SLC35F1: variants seen among roughly 807,000 people sequenced by gnomAD.
SLC35F1 encodes solute carrier family 35 member F1, also known as chromosome 6 open reading frame 169.
SLC35F1 carries 14 observed loss-of-function variants against 48.7 expected under a neutral mutation model. The ratio of observed to expected loss-of-function variants is 0.29; its 90% confidence interval spans 0.19 to 0.45. The LOEUF (loss-of-function observed/expected upper bound fraction) is 0.45, where lower values mean the gene tolerates loss of function less well. Among genes scored for constraint, SLC35F1 ranks in the 20% least tolerant of loss-of-function variants. The pLI, the probability that SLC35F1 is intolerant of heterozygous loss-of-function variation, is 1.00. For missense variants in SLC35F1, 404 were observed against 500.0 expected (o/e 0.81, Z 1.83); for synonymous variants, 190 against 202.2 (o/e 0.94, Z 0.51).
chr6:117,919,378 G>T (rs1007768905), intron 1 of SLC35F1, among the ~76,000 whole-genome samples: 9 of 152,150 alleles, frequency 5.9e-5, no homozygotes, highest in Non-Finnish European at 1.0e-4. Flanking sequence ...TTGGATGTTT[G>T]GGAATTTTAC....
Position 118,092,054 on chromosome 6 carries a change from G to A in SLC35F1, c.174-62391G>A, listed in dbSNP as rs144693087. On this transcript the variant is annotated intron_variant, in intron 1 of 7. Transcript: ENST00000360388. ...AAAGTTTGGAAATTTGCAGCCTGACGATGCAGTAGAAAAGAAAAAACCGTT... is the reference window on the plus strand; with the variant it reads ...AAAGTTTGGAAATTTGCAGCCTGACAATGCAGTAGAAAAGAAAAAACCGTT... 6.7e-3 allele frequency among the ~76,000 whole-genome samples: 1,023 copies of A among 152,264 alleles called. 8 individuals are homozygous for A. The highest frequency in any genetic ancestry group is 0.014 in the Middle Eastern group (4 of 294).
chr6:118,045,156 A>G (rs1183239973), intron 1 of SLC35F1, among the ~76,000 whole-genome samples: 1 of 152,178 alleles, frequency 6.6e-6, no homozygotes, highest in Non-Finnish European at 1.5e-5. Flanking sequence ...GTATTCTTAA[A>G]TAATTGACTT....
chr6:118,071,513 T>C (rs1201156828), intron 1 of SLC35F1, among the ~76,000 whole-genome samples: 1 of 152,084 alleles, frequency 6.6e-6, no homozygotes, highest in Non-Finnish European at 1.5e-5. Context: ...CTCTAGGACT[T>C]TCCTTCACCA....
chr6:118,275,755 A>G (rs1269066648), intron 5 of SLC35F1, 140 bp downstream of exon 5: 10 of 614,626 alleles, frequency 1.6e-5, no homozygotes, highest in Non-Finnish European at 2.7e-5. Context: ...TAATCTGCCA[A>G]CTCAATATCT....
At chr6:118,231,984 G>A (rs1241917487) in intron 2 of SLC35F1, among the ~76,000 whole-genome samples, 3 of 152,168 alleles carry the variant, frequency 2.0e-5, no homozygotes, top group Non-Finnish European at 4.4e-5. Flanking sequence ...ATTCTAACTA[G>A]AAAACAATTC....
At chr6:118,058,895 A>G (rs977510155) in intron 1 of SLC35F1, among the ~76,000 whole-genome samples, 1 of 152,236 alleles carries the variant, frequency 6.6e-6, no homozygotes, top group Non-Finnish European at 1.5e-5. Context: ...TTTTCAAGAT[A>G]TAACAAAACA....
At chr6:118,029,355 A>C (rs375425979) in intron 1 of SLC35F1, among the ~76,000 whole-genome samples, 2 of 152,288 alleles carry the variant, frequency 1.3e-5, no homozygotes. Context: ...AGTACAGTAC[A>C]ATAAGATATT....
intron 7 of SLC35F1, among the ~76,000 whole-genome samples, chr6:118,292,716 G>GA (rs1776139863): frequency 6.6e-6 from 1 of 150,758 alleles, no homozygotes; most frequent in Non-Finnish European, 1.5e-5. Flanking sequence ...TCCACTCTTG[G>GA]AAAAAATCCA....
intron 1 of SLC35F1, among the ~76,000 whole-genome samples, chr6:118,001,899 A>T (rs1777103264): frequency 6.6e-6 from 1 of 151,256 alleles, no homozygotes; most frequent in Non-Finnish European, 1.5e-5. Flanking sequence ...AACCACAATG[A>T]GATACCATCT....
chr6:118,239,714 C>T (rs1332662462), intron 3 of SLC35F1, among the ~76,000 whole-genome samples: 4 of 152,064 alleles, frequency 2.6e-5, no homozygotes, highest in African/African-American at 4.8e-5. Context: ...ATTTGACACC[C>T]TATTTAATGC....
intron 5 of SLC35F1, 26 bp from the exon 6 acceptor site, chr6:118,277,468 C>T: frequency 6.2e-7 from 1 of 1,608,682 alleles, no homozygotes; most frequent in Non-Finnish European, 8.5e-7. Context: ...TCTTGCTCAT[C>T]AGGTTCATTT....
At chr6:117,934,012 A>G (rs957405828) in intron 1 of SLC35F1, among the ~76,000 whole-genome samples, 1 of 152,100 alleles carries the variant, frequency 6.6e-6, no homozygotes, top group African/African-American at 2.4e-5. Context: ...GCTGTTGATC[A>G]TGGGTTTGCT....
In SLC35F1 at chr6:118,315,979, T is replaced by C. The variant is rs1776432578; in HGVS notation, c.*1727T>C. The C allele has an allele frequency of 6.6e-6, 1 of 152,316 alleles. No individual in the cohort carries two copies. Among genetic ancestry groups the C allele is most frequent in the East Asian group, 1.9e-4 (1 of 5,176 alleles). 9.4% of individuals were successfully genotyped at this position (152,316 alleles called of 1,614,324 possible). ...ATCCTCAATGGAGTTACAGGGTTTA[T>C]AGGGGAAAAATACATGTTTATGAGA... On this transcript the variant is annotated 3_prime_UTR_variant, in exon 8 of 8. Coordinates refer to ENST00000360388, the MANE Select transcript of SLC35F1 (RefSeq NM_001029858.4).
At chr6:117,974,805 TAAAAC>T (rs1293650251) in intron 1 of SLC35F1, among the ~76,000 whole-genome samples, 1 of 152,190 alleles carries the variant, frequency 6.6e-6, no homozygotes, top group East Asian at 1.9e-4. Context: ...TTTTCCAAAA[TAAAAC>T]AGAAAGTGAG....
chr6:118,282,220 T>C (rs556819761), intron 6 of SLC35F1, among the ~76,000 whole-genome samples: 20 of 152,184 alleles, frequency 1.3e-4, no homozygotes, highest in Non-Finnish European at 2.2e-4. Flanking sequence ...TAATGTCCAT[T>C]AACTATCTAA....
chr6:118,083,525 C>T (rs958327946), intron 1 of SLC35F1, among the ~76,000 whole-genome samples: 2 of 152,178 alleles, frequency 1.3e-5, no homozygotes, highest in African/African-American at 4.8e-5. Context: ...TTAAAATCAT[C>T]TCTAAAGTAC....
chr6:118,040,039 G>A (rs1452638915), intron 1 of SLC35F1, among the ~76,000 whole-genome samples: 3 of 151,976 alleles, frequency 2.0e-5, no homozygotes, highest in Non-Finnish European at 4.4e-5. Context: ...TCAGCCTTTG[G>A]TATGCTGCTT....
chr6:117,951,970 G>C (rs1295076781), intron 1 of SLC35F1, among the ~76,000 whole-genome samples: 1 of 152,258 alleles, frequency 6.6e-6, no homozygotes, highest in Non-Finnish European at 1.5e-5. Flanking sequence ...TGAACTTACA[G>C]CTGGAGTGAA....
At position 118,094,923 on chromosome 6, in the gene SLC35F1, G is replaced by A. The variant is rs554059928; in HGVS notation, c.174-59522G>A. Reference sequence around the variant, plus strand: ...GTGGAGGTTGCAGTCAGCCGAGATCGTGCCACTGCAGTCCAGCCTGGGTGA... The same window carrying A: ...GTGGAGGTTGCAGTCAGCCGAGATCATGCCACTGCAGTCCAGCCTGGGTGA... On this transcript the variant is annotated intron_variant, in intron 1 of 7. Transcript: ENST00000360388. 1.1e-4 allele frequency among the ~76,000 whole-genome samples: 16 copies of A among 151,800 alleles called. No homozygotes were observed. The East Asian group carries it at 1.8e-3, about 17-fold the overall frequency.
Sources: allele counts gnomAD v4.1 joint callset (sites outside exome capture counted in the v4.1 genomes callset), GRCh38; gene constraint gnomAD v4.1.1; transcripts MANE v1.5; gene names NCBI Gene and HGNC (gene_info 2026-07-23, HGNC 2026-07-21).